The following MYO9A variants were observed in gnomAD, a reference collection of about 807,000 sequenced individuals.
MYO9A encodes the protein myosin IXA, also known as unconventional myosin-IXa.
MYO9A carries 103 observed loss-of-function variants against 293.3 expected under a neutral mutation model. The observed-to-expected ratio is 0.35, with a 90% CI of 0.30 to 0.41. The LOEUF (loss-of-function observed/expected upper bound fraction) is 0.41, where lower values mean the gene tolerates loss of function less well. Ranked by LOEUF, MYO9A falls within the 10% of genes least tolerant of loss-of-function variation. MYO9A has a pLI of 1.00. For missense variants in MYO9A, 2,685 were observed against 3,033.0 expected (o/e 0.89, Z 2.69); for synonymous variants, 1,001 against 1,035.7 (o/e 0.97, Z 0.64).
At chr15:71,985,941 T>A (rs1383959042) in intron 11 of MYO9A, among the ~76,000 whole-genome samples, 1 of 152,188 alleles carries the variant, frequency 6.6e-6, no homozygotes, top group Non-Finnish European at 1.5e-5. Context: ...GCACACTGCC[T>A]GGCACACAAC....
In MYO9A at chr15:72,007,886, C is replaced by T. The variant is rs746588047; in HGVS notation, c.1320G>A (p.Arg440=). ...GATTACAGATATCAATGGAGTCATCCCGGTATGTCTTCTTTTTGTAACAGA... is the reference window on the plus strand; with the variant it reads ...GATTACAGATATCAATGGAGTCATCTCGGTATGTCTTCTTTTTGTAACAGA... ...GNICYKKKTY[R]DDSIDICNPE... The change falls in exon 8 of 42, where the codon CGG becomes CGA. Residue 440 remains arginine (R), a synonymous_variant. Coordinates refer to ENST00000356056, the MANE Select transcript of MYO9A (RefSeq NM_006901.4). 6.2e-7 allele frequency: 1 copy of T among 1,613,030 alleles called. No homozygotes were observed. The highest frequency in any genetic ancestry group is 8.5e-7 in the Non-Finnish European group (1 of 1,179,414).
intron 41 of MYO9A, 52 bp from the exon 42 acceptor site, chr15:71,827,095 A>G: frequency 7.5e-7 from 1 of 1,328,942 alleles, no homozygotes; most frequent in Non-Finnish European, 1.0e-6. Context: ...TCTAAAGCAA[A>G]TCATCATATA....
At chr15:72,041,492 G>T in intron 2 of MYO9A, 1 of 347,036 alleles carries the variant, frequency 2.9e-6, no homozygotes, top group South Asian at 2.3e-5. Flanking sequence ...GGTGAACCTT[G>T]GCATGACCAA....
At chr15:71,891,636 T>A (rs1459162571) in intron 26 of MYO9A, 2 of 152,222 alleles carry the variant, frequency 1.3e-5, no homozygotes, top group Non-Finnish European at 2.9e-5. Flanking sequence ...GCTCTAATTA[T>A]ACATATTATC....
chr15:72,053,578 A>G (rs1018196723), intron 1 of MYO9A, among the ~76,000 whole-genome samples: 2 of 152,148 alleles, frequency 1.3e-5, no homozygotes, highest in Admixed American at 6.6e-5. Flanking sequence ...CAAACACCAC[A>G]CTTATAAATG....
intron 6 of MYO9A, among the ~76,000 whole-genome samples, chr15:72,017,010 C>CTTTTT (rs61153023): frequency 6.9e-5 from 4 of 58,226 alleles, no homozygotes; most frequent in Non-Finnish European, 9.1e-5. Context: ...GAGCCCAAAT[C>CTTTTT]TTTTTTTTTT....
chr15:71,947,516 T>C (rs2058946923), intron 15 of MYO9A, among the ~76,000 whole-genome samples: 1 of 152,224 alleles, frequency 6.6e-6, no homozygotes, highest in Non-Finnish European at 1.5e-5. Context: ...ACTTCCAAGT[T>C]ACCCTTATGA....
In MYO9A at chr15:71,898,509, C is replaced by T. The variant is rs2057395753; in HGVS notation, c.3994G>A (p.Glu1332Lys). The T allele has an allele frequency of 6.2e-7, 1 of 1,613,990 alleles. No individual in the cohort carries two copies. The highest frequency in any genetic ancestry group is 2.2e-5 in the East Asian group (1 of 44,884). Reference protein sequence around the residue: ...PDSESSQGSLELLSYEESQKS... With the variant: ...PDSESSQGSLKLLSYEESQKS... ...TGGCTTTCCTCATAGCTCAGAAGTT[C>T]CAAGCTTCCTTGAGAGCTCTCACTA... The change falls in exon 25 of 42, where the codon GAA becomes AAA. Residue 1332 changes from glutamate to lysine, a missense_variant. Transcript: ENST00000356056.
intron 12 of MYO9A, chr15:71,972,358 G>A (rs1198351555): frequency 1.4e-5 from 2 of 147,784 alleles, no homozygotes; most frequent in Non-Finnish European, 2.9e-5. Flanking sequence ...TGGGGTAAAT[G>A]TAAGTAAGTG....
intron 1 of MYO9A, among the ~76,000 whole-genome samples, chr15:72,081,792 G>A (rs1276292147): frequency 1.3e-5 from 2 of 152,142 alleles, no homozygotes; most frequent in African/African-American, 2.4e-5. Flanking sequence ...ATTTATTGAG[G>A]AGGGAGTCCT....
At chr15:72,029,054 G>A (rs948564528) in intron 3 of MYO9A, among the ~76,000 whole-genome samples, 3 of 152,068 alleles carry the variant, frequency 2.0e-5, no homozygotes, top group African/African-American at 7.2e-5. Context: ...TTCAATCCAA[G>A]AAGGAAAAAG....
intron 1 of MYO9A, among the ~76,000 whole-genome samples, chr15:72,100,881 GC>G (rs2080267350): frequency 7.4e-6 from 1 of 135,936 alleles, no homozygotes; most frequent in Admixed American, 7.3e-5. Flanking sequence ...GGGGGGGTCA[GC>G]CCCCCGCCGG....
Position 72,090,876 on chromosome 15 carries a change from T to G in MYO9A, c.-72+26804A>C, listed in dbSNP as rs76524778. On this transcript the variant is annotated intron_variant, in intron 1 of 41. Coordinates refer to ENST00000356056, the MANE Select transcript of MYO9A (RefSeq NM_006901.4). ...ATACTGTATATAAATAAACAATGAT[T>G]GGGTGCTGGGCGCAGTGGCTCACAC... Among the ~76,000 whole-genome samples, 122 of 152,090 alleles carry G rather than the reference T, an allele frequency of 8.0e-4. 3 individuals are homozygous for G. In the East Asian group the frequency reaches 0.023, roughly 28 times the overall value.
intron 20 of MYO9A, among the ~76,000 whole-genome samples, chr15:71,904,522 G>A (rs1818945224): frequency 6.6e-6 from 1 of 152,148 alleles, no homozygotes; most frequent in Admixed American, 6.5e-5. Flanking sequence ...GCGTGGTGGT[G>A]CACACCTGTA....
Position 71,826,954 on chromosome 15 carries a change from A to G in MYO9A, c.7273T>C (p.Ser2425Pro). 6.2e-7 allele frequency: 1 copy of G among 1,613,902 alleles called. No homozygotes were observed. Among genetic ancestry groups the G allele is most frequent in the Non-Finnish European group, 8.5e-7 (1 of 1,179,918 alleles). Residue 2425 changes from serine (S) to proline (P), a missense_variant, in exon 42 of 42, where the codon TCT becomes CCT. Ser to Pro is a moderately conservative substitution (Grantham distance 74). Around this residue, in one of 10 missense-constraint regions of MYO9A, gnomAD observed 350 missense variants for 328.9 expected, o/e 1.06. Transcript: ENST00000356056. The stretch of plus-strand genomic sequence containing the variant: ...ACCGAAGAGTCCACGACATCTAAAG[A>G]GTCTTGCTGCTTTTTAAGTTGCTTT... The part of the protein sequence containing the change: ...LRKQLKKQQD[S>P]LDVVDSSVSS...
At chr15:71,988,848 ATT>A (rs998582824) in intron 11 of MYO9A, among the ~76,000 whole-genome samples, 1 of 152,140 alleles carries the variant, frequency 6.6e-6, no homozygotes, top group African/African-American at 2.4e-5. Context: ...AAAAGTCCAC[ATT>A]TTGTTTGCCC....
chr15:72,082,656 G>A (rs2079583744), intron 1 of MYO9A, among the ~76,000 whole-genome samples: 1 of 151,938 alleles, frequency 6.6e-6, no homozygotes, highest in Non-Finnish European at 1.5e-5. Context: ...GGCCCATGCA[G>A]TATGATGTTG....
Position 71,899,993 on chromosome 15 carries a change from T to C in MYO9A, c.3164A>G (p.Asn1055Ser), listed in dbSNP as rs768264619. ...ASVIIQRFWR[N>S]YLNQKQVRDA... is the part of the protein sequence containing the mutation. ...TCTGACTTGCTTCTGATTTAGGTAATTCCTCCAGAATCTCTATGGGGAAGA... is the reference window on the plus strand; with the variant it reads ...TCTGACTTGCTTCTGATTTAGGTAACTCCTCCAGAATCTCTATGGGGAAGA... Residue 1055 changes from asparagine (N) to serine (S), a missense_variant, in exon 24 of 42, where the codon AAT becomes AGT. Coordinates refer to ENST00000356056, the MANE Select transcript of MYO9A (RefSeq NM_006901.4). 1.2e-6 allele frequency: 2 copies of C among 1,608,072 alleles called. No individual in the cohort carries two copies. The highest frequency in any genetic ancestry group is 1.7e-6 in the Non-Finnish European group (2 of 1,175,118).
chr15:71,928,057 T>TATATATATATATATATA lies in MYO9A; in HGVS notation c.2562+5612_2562+5613insTATATATATATATATAT, dbSNP rs1491302118. Reference sequence around the variant, plus strand: ...ATATATATATATATATATATATATATTTTTTTTTTTTTTTTTTTTTTTTTT... The same window carrying TATATATATATATATATA: ...ATATATATATATATATATATATATATATATATATATATATATATTTTTTTTTTTTTTTTTTTTTTTTT... On this transcript the variant is annotated intron_variant, in intron 18 of 41. Coordinates refer to ENST00000356056, the MANE Select transcript of MYO9A (RefSeq NM_006901.4). 7.3e-3 allele frequency among the ~76,000 whole-genome samples: 33 copies of TATATATATATATATATA among 4,490 alleles called. 1 individual carries two copies. The highest frequency in any genetic ancestry group is 0.014 in the South Asian group (1 of 70). The allele number at this position is 4,490 out of a possible 152,430, so 2.9% of individuals were successfully genotyped here.
Sources: allele counts gnomAD v4.1 joint callset (sites outside exome capture counted in the v4.1 genomes callset), GRCh38; gene constraint gnomAD v4.1.1; regional missense constraint gnomAD v4.1.1; transcripts MANE v1.5; gene names NCBI Gene and HGNC (gene_info 2026-07-23, HGNC 2026-07-21).